The following SDK1 variants were observed in gnomAD, a reference collection of about 807,000 sequenced individuals.
The protein encoded by SDK1 is protein sidekick-1.
SDK1 carries 157 observed loss-of-function variants against 245.5 expected under a neutral mutation model. The ratio of observed to expected loss-of-function variants is 0.64; its 90% CI spans 0.56 to 0.73. The LOEUF is 0.73. Among genes scored for constraint, SDK1 ranks in the 30% least tolerant of loss-of-function variants. The probability of loss-of-function intolerance (pLI) is 0.00; values close to 1 mark genes in which losing one functional copy is unlikely to be tolerated. For synonymous variants in SDK1, 1,647 were observed against 1,278.5 expected (o/e 1.29, Z -6.15); for missense variants, 3,583 against 3,002.3 (o/e 1.19, Z -4.52).
intron 21 of SDK1, among the ~76,000 whole-genome samples, chr7:4,077,643 A>G (rs1476423818): frequency 2.0e-5 from 3 of 152,320 alleles, no homozygotes; most frequent in Non-Finnish European, 2.9e-5. Context: ...GGCGGAAGGC[A>G]AGGAGGAGCA....
chr7:3,633,942 C>G (rs1054046907), intron 2 of SDK1, among the ~76,000 whole-genome samples: 3 of 152,076 alleles, frequency 2.0e-5, no homozygotes, highest in Non-Finnish European at 2.9e-5. Context: ...CTAGTTGGCA[C>G]TGGACACTCC....
intron 44 of SDK1, among the ~76,000 whole-genome samples, chr7:4,262,380 TAG>T (rs1788073380): frequency 6.6e-6 from 1 of 151,654 alleles, no homozygotes; most frequent in Admixed American, 6.6e-5. Context: ...GACCATAAAA[TAG>T]AGGTTTGCTT....
chr7:3,978,356 C>G (rs1310956401), intron 13 of SDK1, among the ~76,000 whole-genome samples: 4 of 152,276 alleles, frequency 2.6e-5, no homozygotes, highest in East Asian at 1.9e-4. Context: ...TTGATTTCCT[C>G]TAAGTAAAAT....
chr7:3,516,220 G>A (rs1782745774), intron 1 of SDK1, among the ~76,000 whole-genome samples: 1 of 150,296 alleles, frequency 6.7e-6, no homozygotes, highest in South Asian at 2.1e-4. Flanking sequence ...AACATATAGA[G>A]GTTATATATT....
intron 5 of SDK1, among the ~76,000 whole-genome samples, chr7:3,917,198 A>T (rs1779414543): frequency 6.6e-6 from 1 of 152,238 alleles, no homozygotes; most frequent in African/African-American, 2.4e-5. Context: ...AATAAAAATC[A>T]ATCACTTGAA....
At chr7:3,929,689 T>G (rs1779905742) in intron 5 of SDK1, among the ~76,000 whole-genome samples, 1 of 152,092 alleles carries the variant, frequency 6.6e-6, no homozygotes, top group African/African-American at 2.4e-5. Context: ...AGGGAGTGTT[T>G]TGGAGGAGGT....
chr7:3,696,572 TTGTGTGTGTGTGTGTG>T (rs71552319), intron 4 of SDK1, among the ~76,000 whole-genome samples: 1 of 147,906 alleles, frequency 6.8e-6, no homozygotes, highest in East Asian at 2.0e-4. Flanking sequence ...TTCTCTGTGT[TTGTGTGTGTGTGTGTG>T]TGTGTGTGTG....
At chr7:3,637,537 C>T (rs950473994) in intron 2 of SDK1, among the ~76,000 whole-genome samples, 2 of 152,312 alleles carry the variant, frequency 1.3e-5, no homozygotes, top group East Asian at 1.9e-4. Context: ...AGTTGTAAGA[C>T]GCATTTCGAG....
At chr7:4,159,106 G>A (rs1277141102) in intron 31 of SDK1, among the ~76,000 whole-genome samples, 2 of 152,236 alleles carry the variant, frequency 1.3e-5, no homozygotes, top group African/African-American at 4.8e-5. Context: ...GGAAAAGAGT[G>A]GATGGTGGGT....
At position 4,267,826 on chromosome 7, in the gene SDK1, T is replaced by C; in HGVS notation, c.*2442T>C. ...CGGCCTGTCCGAGGCTACGCCGGCC[T>C]CCTGGCTGCTGCTGGACTGTGCTTA... is the stretch of plus-strand genomic sequence containing the variant. On this transcript the variant is annotated 3_prime_UTR_variant, in exon 45 of 45. Transcript: ENST00000404826. 1 of 985,656 alleles carries C rather than the reference T, an allele frequency of 1.0e-6. No homozygotes were observed. The highest frequency in any genetic ancestry group is 1.2e-6 in the Non-Finnish European group (1 of 830,086). The allele number at this position is 985,656 out of a possible 1,614,324, so 61.1% of individuals were successfully genotyped here. A position where few individuals can be genotyped will look rare whatever the true frequency, so the allele number is the denominator to read the frequency against.
intron 19 of SDK1, 65 bp downstream of exon 19, chr7:4,051,895 C>CA: frequency 3.4e-6 from 5 of 1,454,582 alleles, no homozygotes; most frequent in Non-Finnish European, 4.7e-6. Context: ...GCTGCAACTT[C>CA]CAGAATCAGG....
intron 1 of SDK1, among the ~76,000 whole-genome samples, chr7:3,559,945 C>T (rs149468587): frequency 5.3e-5 from 8 of 152,128 alleles, no homozygotes; most frequent in Non-Finnish European, 1.2e-4. Flanking sequence ...TTAAAAAGTA[C>T]TCAGCACCTC....
chr7:3,377,670 A>G (rs939796176), intron 1 of SDK1, among the ~76,000 whole-genome samples: 5 of 152,120 alleles, frequency 3.3e-5, no homozygotes, highest in Non-Finnish European at 7.4e-5. Flanking sequence ...CAGAGAACTC[A>G]TCCATGTTGG....
At chr7:4,099,352 A>G (rs1033952373) in intron 22 of SDK1, among the ~76,000 whole-genome samples, 4 of 146,792 alleles carry the variant, frequency 2.7e-5, no homozygotes, top group Non-Finnish European at 4.5e-5. Context: ...GGCCATGTGC[A>G]GAAGCACCGG....
intron 1 of SDK1, among the ~76,000 whole-genome samples, chr7:3,602,670 C>G (rs1445270860): frequency 6.6e-6 from 1 of 151,974 alleles, no homozygotes; most frequent in African/African-American, 2.4e-5. Flanking sequence ...TGCAGAAGCT[C>G]TTTAGTTTAA....
intron 1 of SDK1, among the ~76,000 whole-genome samples, chr7:3,422,804 G>C (rs1779567990): frequency 6.6e-6 from 1 of 152,160 alleles, no homozygotes; most frequent in East Asian, 1.9e-4. Context: ...ATGATAGACT[G>C]TTAATTCCTG....
At chr7:3,404,214 C>T (rs1241351548) in intron 1 of SDK1, among the ~76,000 whole-genome samples, 1 of 151,918 alleles carries the variant, frequency 6.6e-6, no homozygotes, top group Non-Finnish European at 1.5e-5. Flanking sequence ...AATTAAAGCC[C>T]TCAATTTGAA....
intron 1 of SDK1, among the ~76,000 whole-genome samples, chr7:3,352,562 C>T (rs1255821009): frequency 1.3e-5 from 2 of 152,010 alleles, no homozygotes; most frequent in Non-Finnish European, 2.9e-5. Context: ...GTTCTTTGGC[C>T]AGACACCTAA....
intron 4 of SDK1, among the ~76,000 whole-genome samples, chr7:3,699,142 G>A (rs867314260): frequency 1.3e-5 from 2 of 152,122 alleles, no homozygotes; most frequent in Middle Eastern, 3.2e-3. Context: ...TGTCAGAAGA[G>A]GCCTGATAAA....
Sources: gnomAD v4.1 joint callset for allele counts (sites outside exome capture counted in the v4.1 genomes callset) on GRCh38, gnomAD v4.1.1 for gene constraint, MANE v1.5 for transcripts, NCBI Gene and HGNC (gene_info 2026-07-23, HGNC 2026-07-21) for gene names.